TGM5: variants seen among roughly 807,000 people sequenced by gnomAD.
The protein encoded by TGM5 is protein-glutamine gamma-glutamyltransferase 5.
Under a neutral mutation model 77.2 loss-of-function variants are expected in TGM5, and 69 were observed. The observed-to-expected ratio is 0.89, with a 90% CI of 0.74 to 1.09. The LOEUF is 1.09. Ranked by LOEUF, TGM5 falls within the 50% of genes least tolerant of loss-of-function variation. The probability of loss-of-function intolerance (pLI) is 0.00; values close to 1 mark genes in which losing one functional copy is unlikely to be tolerated. For missense variants in TGM5, 842 were observed against 896.5 expected (o/e 0.94, Z 0.78); for synonymous variants, 346 against 351.8 (o/e 0.98, Z 0.18).
intron 10 of TGM5, 22 bp from the exon 11 acceptor site, chr15:43,234,951 G>C: frequency 6.2e-7 from 1 of 1,613,136 alleles, no homozygotes; most frequent in Non-Finnish European, 8.5e-7. Context: ...ACACAAGGAT[G>C]GGGTGAGAGT....
intron 11 of TGM5, among the ~76,000 whole-genome samples, chr15:43,234,325 A>G (rs2042570834): frequency 6.6e-6 from 1 of 152,190 alleles, no homozygotes; most frequent in African/African-American, 2.4e-5. Flanking sequence ...CGGGGTCCTC[A>G]GAGGCCATCT....
chr15:43,251,656 C>T (rs931266099), intron 6 of TGM5, among the ~76,000 whole-genome samples: 15 of 152,292 alleles, frequency 9.8e-5, no homozygotes, highest in Admixed American at 4.6e-4. Context: ...GAGAGCAGGC[C>T]TGGGTGTGGG....
chr15:43,234,872 T>C lies in TGM5; in HGVS notation c.1772A>G (p.Asp591Gly). The C allele has an allele frequency of 6.2e-7, 1 of 1,614,212 alleles. No homozygotes were observed. The change falls in exon 11 of 13, where the codon GAC (aspartate) becomes GGC (glycine). Residue 591 changes from aspartate (D) to glycine (G), a missense_variant. Asp to Gly is a moderately conservative substitution (Grantham distance 94, BLOSUM62 -1). Transcript: ENST00000220420. ...YSQYSQYLST[D>G]KLIRISALGE... is the part of the protein sequence containing the mutation. ...CAGGGCACTGATGCGGATCAGCTTG[T>C]CTGTTGACAGGTACTGGCTGTACTG...
At chr15:43,251,236 T>C (rs946496321) in intron 6 of TGM5, among the ~76,000 whole-genome samples, 2 of 151,960 alleles carry the variant, frequency 1.3e-5, no homozygotes, top group Non-Finnish European at 2.9e-5. Flanking sequence ...ACTCAACTCA[T>C]CCAACTCAAG....
chr15:43,253,459 T>C, intron 5 of TGM5, 47 bp downstream of exon 5: 1 of 1,604,144 alleles, frequency 6.2e-7, no homozygotes. Context: ...TGGGCAGGGC[T>C]CCCGCTGCAC....
intron 1 of TGM5, among the ~76,000 whole-genome samples, chr15:43,261,255 A>C (rs1051788773): frequency 6.6e-6 from 1 of 151,360 alleles, no homozygotes; most frequent in African/African-American, 2.4e-5. Flanking sequence ...ATGCCTGGCT[A>C]ATTTTTTGTA....
intron 6 of TGM5, among the ~76,000 whole-genome samples, chr15:43,249,637 A>G (rs986534598): frequency 6.6e-6 from 1 of 152,190 alleles, no homozygotes; most frequent in Non-Finnish European, 1.5e-5. Flanking sequence ...ACCTCAGCCG[A>G]GGGCTGAGGG....
intron 7 of TGM5, chr15:43,239,543 C>T: frequency 4.1e-6 from 2 of 485,678 alleles, no homozygotes; most frequent in South Asian, 4.2e-5. Flanking sequence ...AACTAGGCAT[C>T]ATGGCACATG....
rs189848610 is a variant in TGM5 at position 43,234,713 on chromosome 15, C to T, written c.1875+56G>A. On this transcript the variant is annotated intron_variant, in intron 11 of 12. Coordinates refer to ENST00000220420, the MANE Select transcript of TGM5 (RefSeq NM_201631.4). ...AGGCTGCCCTCTCACAGGGCTTCAC[C>T]CCCTCCCCGCCAGATCCAAGGAGCC... The T allele has an allele frequency of 6.2e-6, 10 of 1,611,710 alleles. No homozygotes were observed. The African/African-American group carries it at 9.3e-5, about 15-fold the overall frequency.
intron 11 of TGM5, among the ~76,000 whole-genome samples, chr15:43,234,240 T>C (rs915187724): frequency 6.6e-6 from 1 of 152,138 alleles, no homozygotes; most frequent in African/African-American, 2.4e-5. Context: ...CTGGTTGACT[T>C]TGGGGAGACA....
intron 6 of TGM5, among the ~76,000 whole-genome samples, chr15:43,252,463 G>C (rs1403565863): frequency 6.6e-6 from 1 of 152,120 alleles, no homozygotes; most frequent in East Asian, 1.9e-4. Flanking sequence ...GATTACAGGT[G>C]CCTGCCACCG....
intron 4 of TGM5, among the ~76,000 whole-genome samples, chr15:43,254,406 T>C (rs1309607566): frequency 1.3e-5 from 2 of 152,244 alleles, no homozygotes; most frequent in African/African-American, 2.4e-5. Flanking sequence ...CTTTGTAGAA[T>C]GAGTGTAAAT....
chr15:43,254,201 C>T (rs1433909270), intron 4 of TGM5, among the ~76,000 whole-genome samples: 1 of 152,216 alleles, frequency 6.6e-6, no homozygotes, highest in Non-Finnish European at 1.5e-5. Context: ...CCCTCTGAGG[C>T]CTTCCCCGAG....
chr15:43,234,569 C>A (rs939222525), intron 11 of TGM5, among the ~76,000 whole-genome samples, 200 bp downstream of exon 11: 3 of 152,190 alleles, frequency 2.0e-5, no homozygotes, highest in African/African-American at 7.2e-5. Context: ...TGCTCAAGGA[C>A]CCATCCATAG....
intron 9 of TGM5, among the ~76,000 whole-genome samples, chr15:43,237,278 G>T (rs1446581982): frequency 1.3e-5 from 2 of 152,204 alleles, no homozygotes; most frequent in Non-Finnish European, 2.9e-5. Context: ...TCTGTCTGAG[G>T]TTTTCTCTGC....
chr15:43,253,515 C>T lies in TGM5; in HGVS notation c.675G>A (p.Val225=), dbSNP rs2042720935. Residue 225 remains valine, a synonymous_variant, in exon 5 of 13, where the codon GTG becomes GTA. Coordinates refer to ENST00000220420, the MANE Select transcript of TGM5 (RefSeq NM_201631.4). Reference sequence around the variant, plus strand: ...ACGCCAGGGACCTCACCATGGCACACACCACTCTGCTGACGTAGACGGGGC... The same window carrying T: ...ACGCCAGGGACCTCACCATGGCACATACCACTCTGCTGACGTAGACGGGGC... ...RGSPVYVSRV[V]CAMINSNDDN... 7 of 1,612,444 alleles carry T rather than the reference C, an allele frequency of 4.3e-6. No individual in the cohort carries two copies. The highest frequency in any genetic ancestry group is 2.7e-5 in the African/African-American group (2 of 75,038).
At chr15:43,242,304 A>G (rs2142362994) in intron 6 of TGM5, among the ~76,000 whole-genome samples, 1 of 152,306 alleles carries the variant, frequency 6.6e-6, no homozygotes, top group Admixed American at 6.5e-5. Context: ...TAGTGTTTTT[A>G]CCTAATTTTA....
At chr15:43,254,240 G>C (rs566898792) in intron 4 of TGM5, among the ~76,000 whole-genome samples, 10 of 152,336 alleles carry the variant, frequency 6.6e-5, no homozygotes, top group Non-Finnish European at 1.0e-4. Context: ...CCACAGCCCT[G>C]GGTATGTGCC....
chr15:43,248,629 G>A (rs1291249782), intron 6 of TGM5, among the ~76,000 whole-genome samples: 1 of 152,174 alleles, frequency 6.6e-6, no homozygotes, highest in African/African-American at 2.4e-5. Flanking sequence ...AACCTTACGA[G>A]GGAACATTCC....
Sources: allele counts gnomAD v4.1 joint callset (sites outside exome capture counted in the v4.1 genomes callset), GRCh38; gene constraint gnomAD v4.1.1; transcripts MANE v1.5; gene names NCBI Gene and HGNC (gene_info 2026-07-23, HGNC 2026-07-21).